Variants in DCC observed in about 807,000 individuals in gnomAD.
DCC encodes the protein DCC netrin 1 receptor.
DCC carries 58 observed loss-of-function variants against 172.5 expected under a neutral mutation model. The observed-to-expected ratio is 0.34, with a 90% CI of 0.27 to 0.42. The LOEUF (loss-of-function observed/expected upper bound fraction) is 0.42. DCC is among the 10% of genes least tolerant of loss of function. The pLI is 1.00. For missense variants in DCC, 1,740 were observed against 1,791.0 expected, an observed-to-expected ratio of 0.97 and a Z score of 0.51; for synonymous variants, 709 against 644.5, an observed-to-expected ratio of 1.10 and a Z score of -1.52.
At chr18:53,289,446 A>T (rs1261313574) in intron 12 of DCC, among the ~76,000 whole-genome samples, 2 of 152,124 alleles carry the variant, frequency 1.3e-5, no homozygotes, top group Non-Finnish European at 2.9e-5. Context: ...TGGTGTGTCT[A>T]TTTATCTTAG....
At chr18:52,833,302 TC>T (rs2038649332) in intron 2 of DCC, among the ~76,000 whole-genome samples, 1 of 152,126 alleles carries the variant, frequency 6.6e-6, no homozygotes, top group Non-Finnish European at 1.5e-5. Flanking sequence ...CTAATGCATC[TC>T]TTTTAGAGCC....
intron 7 of DCC, among the ~76,000 whole-genome samples, chr18:53,082,055 A>G (rs2042815095): frequency 6.6e-6 from 1 of 152,090 alleles, no homozygotes; most frequent in African/African-American, 2.4e-5. Context: ...TGTCCTTGTC[A>G]AAGGAGAATG....
chr18:52,853,243 C>G (rs1387811161), intron 2 of DCC, among the ~76,000 whole-genome samples: 2 of 152,118 alleles, frequency 1.3e-5, no homozygotes, highest in Non-Finnish European at 2.9e-5. Context: ...AGTTTAGTGC[C>G]TGGCACAGAG....
At chr18:53,012,444 TAA>T (rs1215900181) in intron 5 of DCC, among the ~76,000 whole-genome samples, 1 of 151,998 alleles carries the variant, frequency 6.6e-6, no homozygotes, top group Non-Finnish European at 1.5e-5. Flanking sequence ...AAAATATATT[TAA>T]GTGAAGCTCA....
chr18:52,725,894 A>G (rs757567999), intron 1 of DCC, among the ~76,000 whole-genome samples: 13 of 152,190 alleles, frequency 8.5e-5, no homozygotes, highest in Non-Finnish European at 1.8e-4. Context: ...CTACCACCAC[A>G]TCTCTATATG....
intron 1 of DCC, among the ~76,000 whole-genome samples, chr18:52,706,823 G>A (rs2036219591): frequency 6.6e-6 from 1 of 152,292 alleles, no homozygotes; most frequent in South Asian, 2.1e-4. Context: ...TCTAAAACAT[G>A]GTGAGAGTTG....
At chr18:53,134,238 G>A (rs1043110866) in intron 7 of DCC, among the ~76,000 whole-genome samples, 5 of 152,148 alleles carry the variant, frequency 3.3e-5, no homozygotes, top group Non-Finnish European at 7.4e-5. Flanking sequence ...TTTCTGGAGA[G>A]TCAATCCTGA....
chr18:52,774,369 A>AC (rs1017129201), intron 2 of DCC, among the ~76,000 whole-genome samples: 24 of 152,000 alleles, frequency 1.6e-4, no homozygotes, highest in African/African-American at 5.8e-4. Context: ...CCAAGAAAAA[A>AC]CCCCAAGGTA....
At chr18:52,886,472 C>T (rs369925641) in intron 2 of DCC, among the ~76,000 whole-genome samples, 10 of 152,292 alleles carry the variant, frequency 6.6e-5, no homozygotes, top group East Asian at 1.9e-4. Flanking sequence ...GTCCCCCAGT[C>T]GCTGTGCTGT....
chr18:52,958,495 C>G (rs143383478), intron 5 of DCC, among the ~76,000 whole-genome samples: 2,064 of 152,056 alleles, frequency 0.014, 62 homozygotes, highest in African/African-American at 0.048. Flanking sequence ...AGATAATTTT[C>G]AAGGGTGGTT....
At chr18:53,295,325 A>C (rs1361526348) in intron 12 of DCC, among the ~76,000 whole-genome samples, 1 of 152,154 alleles carries the variant, frequency 6.6e-6, no homozygotes, top group Non-Finnish European at 1.5e-5. Context: ...AGTAGGAAAA[A>C]ATATGGGCCT....
intron 12 of DCC, among the ~76,000 whole-genome samples, chr18:53,249,742 C>A (rs1385764590): frequency 6.6e-6 from 1 of 151,904 alleles, no homozygotes; most frequent in Admixed American, 6.6e-5. Flanking sequence ...TGTTAGATTT[C>A]TTTCTTGGAA....
intron 18 of DCC, among the ~76,000 whole-genome samples, chr18:53,401,178 C>T (rs1428391153): frequency 1.3e-5 from 2 of 152,082 alleles, no homozygotes; most frequent in Non-Finnish European, 1.5e-5. Flanking sequence ...TTCATTAAGC[C>T]ATATATATCA....
At chr18:52,970,811 T>C (rs1351831589) in intron 5 of DCC, among the ~76,000 whole-genome samples, 2 of 152,128 alleles carry the variant, frequency 1.3e-5, no homozygotes, top group East Asian at 1.9e-4. Flanking sequence ...TATTTCTATG[T>C]AGTTAGTAAC....
At chr18:52,651,764 G>T (rs1316649617) in intron 1 of DCC, among the ~76,000 whole-genome samples, 1 of 152,096 alleles carries the variant, frequency 6.6e-6, no homozygotes, top group Non-Finnish European at 1.5e-5. Context: ...CCCTTAGGTG[G>T]CATGAACTAC....
chr18:52,786,868 T>C (rs182382770), intron 2 of DCC, among the ~76,000 whole-genome samples: 3 of 152,212 alleles, frequency 2.0e-5, no homozygotes, highest in African/African-American at 2.4e-5. Flanking sequence ...AAGGGAAGCA[T>C]ATACTTCCAG....
At chr18:53,493,876 A>C (rs1215778710) in intron 26 of DCC, among the ~76,000 whole-genome samples, 1 of 149,402 alleles carries the variant, frequency 6.7e-6, no homozygotes, top group Non-Finnish European at 1.5e-5. Context: ...TAGCTTTTGA[A>C]TTTGTTTGCT....
intron 2 of DCC, among the ~76,000 whole-genome samples, chr18:52,764,964 T>C (rs1335513404): frequency 3.3e-5 from 5 of 152,138 alleles, no homozygotes; most frequent in African/African-American, 9.7e-5. Context: ...CTCTTTCTGG[T>C]GGCCTAAATG....
intron 5 of DCC, among the ~76,000 whole-genome samples, chr18:53,017,973 A>G (rs918183613): frequency 6.6e-6 from 1 of 152,142 alleles, no homozygotes; most frequent in African/African-American, 2.4e-5. Context: ...GCATTTATCA[A>G]TGCACCAACA....
Sources: gnomAD v4.1 joint callset for allele counts (sites outside exome capture counted in the v4.1 genomes callset) on GRCh38, gnomAD v4.1.1 for gene constraint, MANE v1.5 for transcripts, NCBI Gene and HGNC (gene_info 2026-07-23, HGNC 2026-07-21) for gene names.